Variants in GPR158 observed in about 807,000 individuals in gnomAD.
GPR158 encodes G protein-coupled receptor 158.
Under a neutral mutation model 78.2 loss-of-function variants are expected in GPR158, and 30 were observed. The ratio of observed to expected loss-of-function variants is 0.38; its 90% CI spans 0.29 to 0.52. GPR158 has a LOEUF of 0.52. Among genes scored for constraint, GPR158 ranks in the 20% least tolerant of loss-of-function variants. The pLI is 0.83. For synonymous variants in GPR158, 581 were observed against 591.1 expected (o/e 0.98, Z 0.25); for missense variants, 1,463 against 1,523.5 (o/e 0.96, Z 0.66).
At chr10:25,450,153 G>A (rs1228586172) in intron 4 of GPR158, among the ~76,000 whole-genome samples, 1 of 152,050 alleles carries the variant, frequency 6.6e-6, no homozygotes, top group Non-Finnish European at 1.5e-5. Flanking sequence ...AGTTAGCCAG[G>A]CCAGAGAGAG....
chr10:25,524,126 C>A (rs924148194), intron 5 of GPR158, among the ~76,000 whole-genome samples: 1 of 152,046 alleles, frequency 6.6e-6, no homozygotes, highest in Non-Finnish European at 1.5e-5. Context: ...CAAGACTATA[C>A]AATGAAAACT....
At chr10:25,556,842 G>A (rs1363759071) in intron 6 of GPR158, among the ~76,000 whole-genome samples, 1 of 152,168 alleles carries the variant, frequency 6.6e-6, no homozygotes, top group Admixed American at 6.5e-5. Context: ...ATGCTTAGAG[G>A]ATTAAGGATT....
chr10:25,481,291 T>C (rs944883417), intron 5 of GPR158, among the ~76,000 whole-genome samples: 1 of 152,128 alleles, frequency 6.6e-6, no homozygotes, highest in Admixed American at 6.6e-5. Context: ...CGCAGTGTCA[T>C]GGTGTGGCCG....
intron 1 of GPR158, among the ~76,000 whole-genome samples, chr10:25,205,976 A>T (rs191134246): frequency 7.3e-6 from 1 of 137,402 alleles, no homozygotes; most frequent in Admixed American, 7.9e-5. Context: ...TCACATCCAA[A>T]TGTGGGTCCC....
At chr10:25,575,304 A>G (rs1344366493) in intron 7 of GPR158, among the ~76,000 whole-genome samples, 3 of 152,228 alleles carry the variant, frequency 2.0e-5, no homozygotes, top group South Asian at 2.1e-4. Flanking sequence ...GGTAAATTCA[A>G]TCAAGATGAC....
intron 5 of GPR158, among the ~76,000 whole-genome samples, chr10:25,478,536 G>A (rs539207373): frequency 2.0e-5 from 3 of 151,646 alleles, no homozygotes; most frequent in Non-Finnish European, 4.4e-5. Flanking sequence ...GTAGAGAGAA[G>A]AGAAAGAAAT....
chr10:25,295,648 C>A (rs1000118451), intron 2 of GPR158, among the ~76,000 whole-genome samples: 1 of 152,030 alleles, frequency 6.6e-6, no homozygotes, highest in African/African-American at 2.4e-5. Context: ...CTTCTGACCT[C>A]GTGATCCACC....
At chr10:25,493,569 C>T (rs920949232) in intron 5 of GPR158, among the ~76,000 whole-genome samples, 3 of 152,170 alleles carry the variant, frequency 2.0e-5, no homozygotes, top group African/African-American at 7.2e-5. Flanking sequence ...ACTCAGGAAA[C>T]TCCCTAGACT....
chr10:25,397,006 C>T (rs1293208707), intron 3 of GPR158, among the ~76,000 whole-genome samples: 1 of 152,160 alleles, frequency 6.6e-6, no homozygotes, highest in Non-Finnish European at 1.5e-5. Context: ...CACAACATGG[C>T]TGATTCCTTT....
At chr10:25,427,810 T>C (rs1004529794) in intron 4 of GPR158, among the ~76,000 whole-genome samples, 1 of 152,086 alleles carries the variant, frequency 6.6e-6, no homozygotes, top group Non-Finnish European at 1.5e-5. Flanking sequence ...ACAGATTTCA[T>C]CATTACTGTT....
chr10:25,281,733 T>G (rs982238918), intron 2 of GPR158, among the ~76,000 whole-genome samples: 1 of 152,018 alleles, frequency 6.6e-6, no homozygotes, highest in Middle Eastern at 3.4e-3. Context: ...AAGAGTAGAA[T>G]AAGCCAAGAG....
intron 2 of GPR158, among the ~76,000 whole-genome samples, chr10:25,266,333 C>T (rs1854044858): frequency 6.6e-6 from 1 of 152,122 alleles, no homozygotes. Context: ...GCCTAGTGTT[C>T]AGGACATAAC....
intron 5 of GPR158, among the ~76,000 whole-genome samples, chr10:25,511,062 G>T (rs1836078046): frequency 6.6e-6 from 1 of 152,092 alleles, no homozygotes; most frequent in Non-Finnish European, 1.5e-5. Context: ...GTAGATACCT[G>T]GTAGTGGGAT....
At chr10:25,261,129 C>T (rs1853962235) in intron 2 of GPR158, among the ~76,000 whole-genome samples, 1 of 152,094 alleles carries the variant, frequency 6.6e-6, no homozygotes, top group Admixed American at 6.6e-5. Flanking sequence ...GGGCCACAGT[C>T]CAGAATTTAA....
chr10:25,204,012 T>G (rs1001247104), intron 1 of GPR158, among the ~76,000 whole-genome samples: 2 of 111,430 alleles, frequency 1.8e-5, no homozygotes, highest in African/African-American at 7.7e-5. Context: ...TTTTATTCTT[T>G]TTAGCAATTG....
intron 5 of GPR158, among the ~76,000 whole-genome samples, chr10:25,500,080 T>G (rs1835932860): frequency 6.6e-6 from 1 of 152,272 alleles, no homozygotes; most frequent in African/African-American, 2.4e-5. Context: ...ATCAGACATT[T>G]GTGAATTTTC....
At chr10:25,531,153 TA>T (rs1398686577) in intron 5 of GPR158, among the ~76,000 whole-genome samples, 1 of 152,228 alleles carries the variant, frequency 6.6e-6, no homozygotes, top group Non-Finnish European at 1.5e-5. Context: ...AGATAACATA[TA>T]TTTTTATATG....
rs144482933 is a variant in GPR158 at position 25,424,981 on chromosome 10, G to A, written c.1335+12508G>A. 5.4e-3 allele frequency among the ~76,000 whole-genome samples: 827 copies of A among 152,242 alleles called. 11 individuals carry two copies. Among genetic ancestry groups the A allele is most frequent in the African/African-American group, 0.019 (800 of 41,542 alleles). Reference sequence around the variant, plus strand: ...TCTATAATTTACCTTGGGCAGTATGGCCATTTTCACGACATTGATTCTTCC... The same window carrying A: ...TCTATAATTTACCTTGGGCAGTATGACCATTTTCACGACATTGATTCTTCC... On this transcript the variant is annotated intron_variant, in intron 4 of 10. Transcript: ENST00000376351.
At chr10:25,209,683 G>A (rs960251438) in intron 1 of GPR158, among the ~76,000 whole-genome samples, 2 of 152,090 alleles carry the variant, frequency 1.3e-5, no homozygotes, top group African/African-American at 4.8e-5. Flanking sequence ...ATCCTATCTG[G>A]TTTCTGGTGT....
Sources: allele counts gnomAD v4.1 joint callset (sites outside exome capture counted in the v4.1 genomes callset), GRCh38; gene constraint gnomAD v4.1.1; transcripts MANE v1.5; gene names NCBI Gene and HGNC (gene_info 2026-07-23, HGNC 2026-07-21).